The following RP1 variants were observed in gnomAD, a reference collection of about 807,000 sequenced individuals.
RP1 encodes the protein RP1 axonemal microtubule associated.
Under a neutral mutation model 14.8 loss-of-function variants are expected in RP1, and 16 were observed. That is an observed-to-expected ratio of 1.08 (90% CI 0.73 to 1.65). The LOEUF is 1.65. Among genes scored for constraint, RP1 ranks in the 40% most tolerant of loss-of-function variants. The pLI is 0.00. For missense variants in RP1, 2,631 were observed against 2,535.0 expected, an observed-to-expected ratio of 1.04 and a Z score of -0.81; for synonymous variants, 876 against 883.6, an observed-to-expected ratio of 0.99 and a Z score of 0.15.
chr8:54,641,508 C>CT (rs1024693488), intron 3 of RP1, among the ~76,000 whole-genome samples: 4 of 151,894 alleles, frequency 2.6e-5, no homozygotes, highest in East Asian at 1.9e-4. Flanking sequence ...AGCTTCTCAA[C>CT]TTTTTTTTCT....
chr8:54,729,783 G>A lies in RP1; in HGVS notation c.2521+3307G>A, dbSNP rs551056618. Among the ~76,000 whole-genome samples, 268 of 151,780 alleles carry A rather than the reference G, an allele frequency of 1.8e-3. 1 individual carries two copies. The highest frequency in any genetic ancestry group is 3.4e-3 in the Middle Eastern group (1 of 292). On this transcript the variant is annotated intron_variant, in intron 17 of 22. Transcript: ENST00000636932. The stretch of plus-strand genomic sequence containing the variant: ...ACTACAAATAATCCATTTTGTTGAC[G>A]TAGCATAACATATTTACCTATTTTC...
intron 1 of RP1, among the ~76,000 whole-genome samples, chr8:54,565,860 G>A (rs1009775202): frequency 2.0e-5 from 3 of 152,192 alleles, no homozygotes; most frequent in African/African-American, 4.8e-5. Flanking sequence ...CTGGATGGCT[G>A]AGATGAAGGT....
chr8:54,663,911 A>T, intron 7 of RP1: 1 of 1,397,038 alleles, frequency 7.2e-7, no homozygotes. Flanking sequence ...ATAAAATAAG[A>T]TTTACTGTTG....
intron 1 of RP1, among the ~76,000 whole-genome samples, chr8:54,574,488 C>A (rs2129294211): frequency 6.6e-6 from 1 of 151,998 alleles, no homozygotes; most frequent in South Asian, 2.1e-4. Flanking sequence ...GCATTCCGAG[C>A]AGAGGGAATA....
intron 22 of RP1, among the ~76,000 whole-genome samples, chr8:54,766,659 A>G (rs1809768385): frequency 6.6e-6 from 1 of 152,068 alleles, no homozygotes. Context: ...ACTACTCCTT[A>G]CCTCGTTATA....
At chr8:54,830,201 G>C (rs1159693560) in intron 24 of RP1, among the ~76,000 whole-genome samples, 1 of 151,660 alleles carries the variant, frequency 6.6e-6, no homozygotes, top group South Asian at 2.1e-4. Flanking sequence ...CTGTTTTTAA[G>C]CTCTATTAGT....
chr8:54,831,628 T>C (rs1283794578), intron 24 of RP1, among the ~76,000 whole-genome samples: 3 of 151,816 alleles, frequency 2.0e-5, no homozygotes, highest in Non-Finnish European at 4.4e-5. Context: ...ACATAAAACA[T>C]CCTATTCCTC....
intron 3 of RP1, among the ~76,000 whole-genome samples, chr8:54,639,503 T>C (rs1466375145): frequency 2.0e-5 from 3 of 152,174 alleles, no homozygotes; most frequent in African/African-American, 4.8e-5. Flanking sequence ...CTTTCAAAAG[T>C]AGTTGTATCA....
rs1807520276 is a variant in RP1, at chr8:54,684,823, G to A, written c.1717+4890G>A. Among the ~76,000 whole-genome samples, 4 of 152,266 alleles carry A rather than the reference G, an allele frequency of 2.6e-5. No individual in the cohort carries two copies. The South Asian group carries it at 8.3e-4, about 32-fold the overall frequency. On this transcript the variant is annotated intron_variant, in intron 12 of 22. Transcript: ENST00000636932. Reference sequence around the variant, plus strand: ...ACTATGCAGCCATAAAAAGGAATGAGATCATGCCCTTTGCAGGGACATGGA... The same window carrying A: ...ACTATGCAGCCATAAAAAGGAATGAAATCATGCCCTTTGCAGGGACATGGA...
intron 3 of RP1, among the ~76,000 whole-genome samples, chr8:54,647,218 C>A (rs1806568891): frequency 6.6e-6 from 1 of 151,918 alleles, no homozygotes; most frequent in African/African-American, 2.4e-5. Context: ...GAGTTTGAGA[C>A]CAGCCTGACC....
Position 54,854,998 on chromosome 8 carries a change from T to C in RP1, c.3991-2030T>C, listed in dbSNP as rs763738380. Among the ~76,000 whole-genome samples the C allele has an allele frequency of 7.2e-5, 11 of 152,362 alleles. 1 individual carries two copies. Among genetic ancestry groups the C allele is most frequent in the South Asian group, 4.1e-4 (2 of 4,832 alleles). On this transcript the variant is annotated intron_variant, in intron 26 of 28. Coordinates refer to the RP1 transcript ENST00000637698. ...ATTCACATTATTGTGTAAGCATGAC[T>C]ACCGTCCATCTCCAGAACTCTTTTC...
intron 1 of RP1, among the ~76,000 whole-genome samples, chr8:54,598,583 C>T (rs895717073): frequency 1.3e-5 from 2 of 152,068 alleles, no homozygotes; most frequent in Non-Finnish European, 2.9e-5. Context: ...TCCTTATATT[C>T]CCAAATTCCT....
upstream of RP1, among the ~76,000 whole-genome samples, chr8:54,613,330 G>T (rs1394273556): frequency 2.0e-5 from 3 of 152,184 alleles, no homozygotes; most frequent in Non-Finnish European, 2.9e-5. Flanking sequence ...TCTGATCTCT[G>T]TCCTGGGTTC....
Position 54,624,802 on chromosome 8 carries a change from C to A in RP1, c.920C>A (p.Ser307Tyr). 1.2e-6 allele frequency: 2 copies of A among 1,613,918 alleles called. No homozygotes were observed. Among genetic ancestry groups the A allele is most frequent in the Non-Finnish European group, 1.7e-6 (2 of 1,179,920 alleles). Reference protein sequence around the residue: ...EKYLALEKNDSQNLPIYPSED... With the variant: ...EKYLALEKNDYQNLPIYPSED... ...TACTTGGCCTTAGAAAAGAATGATTCTCAGAATTTACCAATATATCCTTCT... is the reference window on the plus strand; with the variant it reads ...TACTTGGCCTTAGAAAAGAATGATTATCAGAATTTACCAATATATCCTTCT... Residue 307 changes from serine (S) to tyrosine (Y), a missense_variant, in exon 4 of 4, where the codon TCT becomes TAT. By Grantham distance (144) the Ser-to-Tyr change is moderately radical. Coordinates refer to ENST00000220676, the MANE Select transcript of RP1 (RefSeq NM_006269.2).
rs962884759 is a variant in RP1, at chr8:54,629,079, A to G, written c.5197A>G (p.Thr1733Ala). Residue 1733 changes from threonine (T) to alanine (A), a missense_variant, in exon 4 of 4, where the codon ACA becomes GCA. Transcript: ENST00000220676. Reference sequence around the variant, plus strand: ...ACAAAATGATGATAGCAGAATCCTCACAGACATAGAGGAAGGAGTACTGAT... The same window carrying G: ...ACAAAATGATGATAGCAGAATCCTCGCAGACATAGAGGAAGGAGTACTGAT... ...TKQNDDSRIL[T>A]DIEEGVLIDK... is the part of the protein sequence containing the mutation. 1 of 1,614,152 alleles carries G rather than the reference A, an allele frequency of 6.2e-7. No individual in the cohort carries two copies. The highest frequency in any genetic ancestry group is 1.3e-5 in the African/African-American group (1 of 75,068).
intron 5 of RP1, among the ~76,000 whole-genome samples, chr8:54,654,237 T>C (rs1053643585): frequency 2.0e-5 from 3 of 152,200 alleles, no homozygotes; most frequent in South Asian, 2.1e-4. Context: ...AGTTTAGAAG[T>C]TTGAAATTTG....
chr8:54,574,559 A>T lies in RP1; in HGVS notation c.-13+15239A>T, dbSNP rs576565888. Among the ~76,000 whole-genome samples, 7 of 152,250 alleles carry T rather than the reference A, an allele frequency of 4.6e-5. No individual in the cohort carries two copies. In the East Asian group the frequency reaches 1.3e-3, roughly 29 times the overall value. On this transcript the variant is annotated intron_variant, in intron 1 of 22. Transcript: ENST00000636932. ...ACAAATATTGGGAGATGTAGCCCTAAATTTGTAAGACTGGGGCCTGGGAGC... is the reference window on the plus strand; with the variant it reads ...ACAAATATTGGGAGATGTAGCCCTATATTTGTAAGACTGGGGCCTGGGAGC...
chr8:54,620,401 A>G (rs1805826339), intron 1 of RP1, among the ~76,000 whole-genome samples: 1 of 152,254 alleles, frequency 6.6e-6, no homozygotes, highest in South Asian at 2.1e-4. Flanking sequence ...TAGGAGGAAT[A>G]GGTTATTCCA....
chr8:54,575,385 A>ATT (rs35316623), intron 1 of RP1, among the ~76,000 whole-genome samples: 3 of 150,848 alleles, frequency 2.0e-5, no homozygotes, highest in South Asian at 2.1e-4. Flanking sequence ...AAGAAAAATT[A>ATT]TTTTTTTTTT....
Sources: allele counts gnomAD v4.1 joint callset (sites outside exome capture counted in the v4.1 genomes callset), GRCh38; gene constraint gnomAD v4.1.1; transcripts MANE v1.5; gene names NCBI Gene and HGNC (gene_info 2026-07-23, HGNC 2026-07-21).